NCAM2: variants seen among roughly 807,000 people sequenced by gnomAD.
The protein encoded by NCAM2 is neural cell adhesion molecule 2, also known as N-CAM-2.
In NCAM2, 30 loss-of-function variants were observed where a neutral mutation model predicts 98.1. The observed-to-expected ratio is 0.31, with a 90% confidence interval of 0.23 to 0.41. The LOEUF is 0.41. NCAM2 is among the 10% of genes least tolerant of loss of function. NCAM2 has a pLI of 1.00. For missense variants in NCAM2, 867 were observed against 1,005.8 expected (o/e 0.86, Z 1.87); for synonymous variants, 368 against 342.4 (o/e 1.07, Z -0.83).
intron 1 of NCAM2, among the ~76,000 whole-genome samples, chr21:21,201,292 C>A (rs896864769): frequency 6.6e-6 from 1 of 152,134 alleles, no homozygotes; most frequent in Non-Finnish European, 1.5e-5. Context: ...TAAAGCAGTG[C>A]AATTCCCCAA....
rs1171603735 is a variant in NCAM2 at position 21,448,517 on chromosome 21, A to AATAC, written c.1654+16239_1654+16240insCATA. On this transcript the variant is annotated intron_variant, in intron 12 of 17. Transcript: ENST00000400546. The stretch of plus-strand genomic sequence containing the variant: ...CCTGGAAATTGAAGTAAAATAAATA[A>AATAC]ATAAATAAATAAATAAATAAGTAAA... 2.0e-5 allele frequency among the ~76,000 whole-genome samples: 3 copies of AATAC among 150,646 alleles called. No homozygotes were observed. In the East Asian group the frequency reaches 5.8e-4, roughly 29 times the overall value.
chr21:21,080,853 C>T lies in NCAM2; in HGVS notation c.55+82235C>T, dbSNP rs549721380. Among the ~76,000 whole-genome samples, 7 of 151,992 alleles carry T rather than the reference C, an allele frequency of 4.6e-5. No homozygotes were observed. In the South Asian group the frequency reaches 8.3e-4, roughly 18 times the overall value. ...TCTTGCCTCCTCAGAAGAAAATGTT[C>T]GACCAATGGGTATAAGGCAGAAAGG... On this transcript the variant is annotated intron_variant, in intron 1 of 17. Transcript: ENST00000400546.
chr21:21,205,083 A>C lies in NCAM2; in HGVS notation c.56-75495A>C, dbSNP rs1041814057. On this transcript the variant is annotated intron_variant, in intron 1 of 17. Transcript: ENST00000400546. ...TCACGTGTATATGTATATGTGTGAC[A>C]TGTGCACACAAGAAAGAGTCTAACG... is the stretch of plus-strand genomic sequence containing the variant. Among the ~76,000 whole-genome samples, 4 of 152,198 alleles carry C rather than the reference A, an allele frequency of 2.6e-5. No individual in the cohort carries two copies. In the East Asian group the frequency reaches 5.8e-4, roughly 22 times the overall value.
rs929117783 is a variant in NCAM2, at chr21:21,524,030, G to T, written c.2283-10507G>T. On this transcript the variant is annotated intron_variant, in intron 16 of 17. Transcript: ENST00000400546. The stretch of plus-strand genomic sequence containing the variant: ...AATAAAAAAAAACGAGACCCAACCA[G>T]ATATTGTCCACACACACACACACAC... Among the ~76,000 whole-genome samples, 3 of 136,496 alleles carry T rather than the reference G, an allele frequency of 2.2e-5. No homozygotes were observed. In the Admixed American group the frequency reaches 2.5e-4, roughly 11 times the overall value. The allele number at this position is 136,496 out of a possible 152,430, so 89.5% of individuals were successfully genotyped here. A position where few individuals can be genotyped will look rare whatever the true frequency, so the allele number is the denominator to read the frequency against.
intron 16 of NCAM2, among the ~76,000 whole-genome samples, chr21:21,511,549 C>A (rs1399710263): frequency 6.6e-6 from 1 of 151,774 alleles, no homozygotes; most frequent in Non-Finnish European, 1.5e-5. Flanking sequence ...AATATTGCTG[C>A]AATAAACATG....
intron 1 of NCAM2, among the ~76,000 whole-genome samples, chr21:21,249,218 A>G (rs1298313345): frequency 6.6e-6 from 1 of 152,232 alleles, no homozygotes; most frequent in Non-Finnish European, 1.5e-5. Context: ...AGGATTCCAC[A>G]AGAGAATTAA....
At chr21:21,489,177 T>A (rs959651184) in intron 15 of NCAM2, among the ~76,000 whole-genome samples, 19 of 152,074 alleles carry the variant, frequency 1.2e-4, no homozygotes, top group African/African-American at 4.6e-4. Flanking sequence ...GTATTTTTAG[T>A]AGAGGCAGGG....
chr21:21,312,423 T>G (rs2074084410), intron 5 of NCAM2, among the ~76,000 whole-genome samples: 1 of 151,436 alleles, frequency 6.6e-6, no homozygotes, highest in Non-Finnish European at 1.5e-5. Flanking sequence ...AATTATTTAA[T>G]AATATTAGGT....
chr21:21,395,845 C>A (rs1248849767), intron 9 of NCAM2, among the ~76,000 whole-genome samples: 1 of 152,036 alleles, frequency 6.6e-6, no homozygotes, highest in African/African-American at 2.4e-5. Context: ...CATCTCTCAC[C>A]TTAAACAAAA....
At chr21:21,525,048 A>G (rs1290836423) in intron 16 of NCAM2, among the ~76,000 whole-genome samples, 4 of 152,150 alleles carry the variant, frequency 2.6e-5, no homozygotes, top group African/African-American at 4.8e-5. Context: ...TACATATATT[A>G]GAATATAAGA....
At chr21:21,228,577 AG>A (rs1246498123) in intron 1 of NCAM2, among the ~76,000 whole-genome samples, 3 of 151,552 alleles carry the variant, frequency 2.0e-5, no homozygotes, top group Non-Finnish European at 4.4e-5. Flanking sequence ...CACTGAGAGA[AG>A]TATTCAAATA....
At chr21:21,156,763 G>T (rs528563513) in intron 1 of NCAM2, among the ~76,000 whole-genome samples, 1 of 151,994 alleles carries the variant, frequency 6.6e-6, no homozygotes, top group Admixed American at 6.6e-5. Flanking sequence ...TCATAATTAT[G>T]TACAGAGCTA....
intron 1 of NCAM2, among the ~76,000 whole-genome samples, chr21:21,240,063 C>A (rs2071004079): frequency 6.6e-6 from 1 of 152,038 alleles, no homozygotes; most frequent in South Asian, 2.1e-4. Flanking sequence ...AATATTATCA[C>A]CTATCTTCTG....
At chr21:21,046,197 A>G (rs1245282284) in intron 1 of NCAM2, among the ~76,000 whole-genome samples, 1 of 152,184 alleles carries the variant, frequency 6.6e-6, no homozygotes, top group African/African-American at 2.4e-5. Flanking sequence ...AAGTTTCTTC[A>G]TCTGTATTCA....
intron 15 of NCAM2, among the ~76,000 whole-genome samples, chr21:21,507,335 C>G (rs1988044590): frequency 6.6e-6 from 1 of 152,016 alleles, no homozygotes; most frequent in Non-Finnish European, 1.5e-5. Context: ...ACTTTTTATA[C>G]ATATATAAAA....
intron 1 of NCAM2, among the ~76,000 whole-genome samples, chr21:21,242,814 T>A (rs2071117634): frequency 6.6e-6 from 1 of 152,216 alleles, no homozygotes; most frequent in South Asian, 2.1e-4. Flanking sequence ...GGCATCATGT[T>A]ATCCATTTCT....
intron 14 of NCAM2, among the ~76,000 whole-genome samples, chr21:21,473,180 C>T (rs1231931724): frequency 6.6e-6 from 1 of 151,162 alleles, no homozygotes; most frequent in Non-Finnish European, 1.5e-5. Flanking sequence ...CAGGACAGCT[C>T]TGAAGGACTC....
At chr21:21,475,141 CTG>C (rs1227290905) in intron 14 of NCAM2, among the ~76,000 whole-genome samples, 1 of 151,902 alleles carries the variant, frequency 6.6e-6, no homozygotes, top group African/African-American at 2.4e-5. Context: ...CTTAAAATCA[CTG>C]TGTTTCTTTT....
At chr21:21,500,302 A>T (rs2826867) in intron 15 of NCAM2, among the ~76,000 whole-genome samples, 63,682 of 151,972 alleles carry the variant, frequency 0.42, 14,503 homozygotes, top group Middle Eastern at 0.56. Context: ...CCTCAAAAGT[A>T]CAAACACTTC....
Sources: allele counts gnomAD v4.1 joint callset (sites outside exome capture counted in the v4.1 genomes callset), GRCh38; gene constraint gnomAD v4.1.1; transcripts MANE v1.5; gene names NCBI Gene and HGNC (gene_info 2026-07-23, HGNC 2026-07-21).